Variants in LRGUK observed in about 807,000 individuals in gnomAD.
LRGUK encodes leucine rich repeats and guanylate kinase domain containing.
Under a neutral mutation model 76.0 loss-of-function variants are expected in LRGUK, and 65 were observed. That is an observed-to-expected ratio of 0.85 (90% confidence interval 0.70 to 1.05). The LOEUF (loss-of-function observed/expected upper bound fraction) is 1.05, where lower values mean the gene tolerates loss of function less well. Among genes scored for constraint, LRGUK ranks in the 50% least tolerant of loss-of-function variants. The pLI is 0.00. For missense variants in LRGUK, 758 were observed against 732.8 expected (o/e 1.03, Z -0.40); for synonymous variants, 268 against 265.6 (o/e 1.01, Z -0.09).
In LRGUK at chr7:134,243,162, C is replaced by G. The variant is rs893423783; in HGVS notation, c.1984-4394C>G. ...CTGGAATAAGACAGGGATGCCCTCT[C>G]TCACCACTCCTATTCAACATAGTGT... On this transcript the variant is annotated intron_variant, in intron 16 of 19. Coordinates refer to the LRGUK transcript ENST00000285928. Among the ~76,000 whole-genome samples, 22 of 152,164 alleles carry G rather than the reference C, an allele frequency of 1.4e-4. 1 individual carries two copies. The highest frequency in any genetic ancestry group is 4.3e-4 in the African/African-American group (18 of 41,436).
At chr7:134,247,762 C>A in intron 17 of LRGUK, 118 bp downstream of exon 17, 2 of 673,708 alleles carry the variant, frequency 3.0e-6, no homozygotes, top group Non-Finnish European at 4.9e-6. Flanking sequence ...CCCAGTGTTT[C>A]AGCAGTAAAA....
intron 11 of LRGUK, among the ~76,000 whole-genome samples, chr7:134,188,820 C>G (rs1194124309): frequency 1.3e-5 from 2 of 152,082 alleles, no homozygotes; most frequent in African/African-American, 2.4e-5. Flanking sequence ...AAGCCTCTGC[C>G]TAAATATTTG....
At position 134,127,768 on chromosome 7, in the gene LRGUK, C is replaced by T. The variant is rs558530423; in HGVS notation, c.297+104C>T. 1.6e-5 allele frequency: 21 copies of T among 1,308,318 alleles called. No homozygotes were observed. In the African/African-American group the frequency reaches 2.8e-4, roughly 18 times the overall value. The allele number at this position is 1,308,318 out of a possible 1,614,324, so 81.0% of individuals were successfully genotyped here. A position where few individuals can be genotyped will look rare whatever the true frequency, so the allele number is the denominator to read the frequency against. On this transcript the variant is annotated intron_variant, in intron 1 of 15. Transcript: ENST00000645682. ...CCCCACCAGCCCGAAGCTTCCCACA[C>T]CTTCTCAGGCTCTCTCGCCTCCAGG...
At chr7:134,210,123 T>G (rs1204501692) in exon 16 of LRGUK, 1 of 399,246 alleles carries the variant, frequency 2.5e-6, no homozygotes. Flanking sequence ...GCTAGAGGAC[T>G]GGCACCTCTG....
intron 16 of LRGUK, among the ~76,000 whole-genome samples, chr7:134,225,563 A>G (rs1801722063): frequency 6.6e-6 from 1 of 152,234 alleles, no homozygotes; most frequent in Non-Finnish European, 1.5e-5. Flanking sequence ...GTAACAAGGT[A>G]GTTTCATAGA....
chr7:134,249,152 G>A (rs1802384696), intron 18 of LRGUK, 76 bp downstream of exon 18: 1 of 1,385,340 alleles, frequency 7.2e-7, no homozygotes, highest in Non-Finnish European at 9.5e-7. Context: ...TCATCTCTAA[G>A]CTTCAGAGAA....
intron 7 of LRGUK, among the ~76,000 whole-genome samples, chr7:134,167,914 G>A (rs894067890): frequency 2.0e-5 from 3 of 152,122 alleles, no homozygotes; most frequent in Non-Finnish European, 2.9e-5. Flanking sequence ...AGTACTTACT[G>A]TTACCTGGGG....
In LRGUK at chr7:134,172,602, CAAGTGCA is replaced by C. The variant is rs1396740097; in HGVS notation, c.940-1953_940-1947del. Among the ~76,000 whole-genome samples the C allele has an allele frequency of 2.6e-5, 4 of 152,306 alleles. No individual in the cohort carries two copies. The East Asian group carries it at 7.7e-4, about 29-fold the overall frequency. ...TTTCCACTCTGACCAGCAATGTGTG[CAAGTGCA>C]CATGGCCACAACTTGTTGGTGAGAC... is the stretch of plus-strand genomic sequence containing the variant. On this transcript the variant is annotated intron_variant, in intron 7 of 15. Coordinates refer to ENST00000645682, the Ensembl canonical transcript of LRGUK.
At chr7:134,150,379 T>G (rs997677659) in intron 5 of LRGUK, among the ~76,000 whole-genome samples, 2 of 151,978 alleles carry the variant, frequency 1.3e-5, no homozygotes, top group African/African-American at 4.8e-5. Flanking sequence ...AGAGAATTGC[T>G]TGAACCTGGG....
chr7:134,251,457 G>A (rs1802443707), intron 18 of LRGUK, among the ~76,000 whole-genome samples: 1 of 152,100 alleles, frequency 6.6e-6, no homozygotes, highest in Non-Finnish European at 1.5e-5. Context: ...TGGACTTTAG[G>A]CCTCCATAAC....
chr7:134,178,378 T>G, intron 9 of LRGUK, 125 bp from the exon 10 acceptor site: 1 of 577,852 alleles, frequency 1.7e-6, no homozygotes, highest in Admixed American at 3.2e-5. Flanking sequence ...TTAATGGGTG[T>G]GTGTTAAATT....
the LRGUK span, among the ~76,000 whole-genome samples, chr7:134,275,521 T>A: frequency 6.6e-6 from 1 of 152,204 alleles, no homozygotes; most frequent in Non-Finnish European, 1.5e-5. Context: ...ATATGCTTTT[T>A]CTGTTATGCT....
In LRGUK at chr7:134,256,145, C is replaced by T. The variant is rs1017073341; in HGVS notation, c.2199-2112C>T. ...AGTAGTTGAATTATCCTATTCCCAC[C>T]CCCGAACCTTCCCTTAAAAAGTCTA... On this transcript the variant is annotated intron_variant, in intron 18 of 19. Coordinates refer to the LRGUK transcript ENST00000285928. 3.3e-5 allele frequency among the ~76,000 whole-genome samples: 5 copies of T among 152,082 alleles called. No homozygotes were observed. The East Asian group carries it at 9.7e-4, about 29-fold the overall frequency.
chr7:134,260,100 C>A (rs1802682340), intron 19 of LRGUK, among the ~76,000 whole-genome samples: 1 of 151,988 alleles, frequency 6.6e-6, no homozygotes, highest in Admixed American at 6.6e-5. Context: ...TGGCTGGCTG[C>A]ACAATATTGG....
At chr7:134,270,116 A>T in the LRGUK span, among the ~76,000 whole-genome samples, 2 of 152,204 alleles carry the variant, frequency 1.3e-5, no homozygotes, top group Non-Finnish European at 2.9e-5. Flanking sequence ...AATGTAATAA[A>T]AAGAATACAC....
intron 6 of LRGUK, among the ~76,000 whole-genome samples, chr7:134,159,331 T>A (rs1166894062): frequency 7.2e-6 from 1 of 139,090 alleles, no homozygotes; most frequent in African/African-American, 2.8e-5. Context: ...AGTAAGACCC[T>A]GCCTCAAAAA....
chr7:134,186,544 A>T (rs1367963105), intron 11 of LRGUK, among the ~76,000 whole-genome samples: 3 of 152,236 alleles, frequency 2.0e-5, no homozygotes. Context: ...AATTAATGGC[A>T]TGGTGTGCAA....
At chr7:134,224,409 T>TTGCAGGAAC (rs1229189665) in intron 16 of LRGUK, among the ~76,000 whole-genome samples, 1 of 152,176 alleles carries the variant, frequency 6.6e-6, no homozygotes, top group African/African-American at 2.4e-5. Context: ...ATCATGTCCT[T>TTGCAGGAAC]TGCAGGAACG....
chr7:134,139,871 C>CT (rs137927261), intron 3 of LRGUK, among the ~76,000 whole-genome samples: 4 of 151,858 alleles, frequency 2.6e-5, no homozygotes, highest in South Asian at 2.1e-4. Context: ...ATGAATTAGT[C>CT]TTTTTTTTCT....
Sources: allele counts gnomAD v4.1 joint callset (sites outside exome capture counted in the v4.1 genomes callset), GRCh38; gene constraint gnomAD v4.1.1; transcripts MANE v1.5; gene names NCBI Gene and HGNC (gene_info 2026-07-23, HGNC 2026-07-21).